The following PTPN21 variants were observed in gnomAD, a reference collection of about 807,000 sequenced individuals.
PTPN21 encodes the protein tyrosine-protein phosphatase non-receptor type 21.
PTPN21 carries 77 observed loss-of-function variants against 131.8 expected under a neutral mutation model. That is an observed-to-expected ratio of 0.58 (90% CI 0.49 to 0.71). PTPN21 has a LOEUF of 0.71. Among genes scored for constraint, PTPN21 ranks in the 30% least tolerant of loss-of-function variants. PTPN21 has a pLI of 0.00. For synonymous variants in PTPN21, 715 were observed against 621.3 expected (o/e 1.15, Z -2.24); for missense variants, 1,552 against 1,527.1 (o/e 1.02, Z -0.27).
intron 8 of PTPN21, among the ~76,000 whole-genome samples, chr14:88,498,030 G>A (rs1164797928): frequency 6.6e-6 from 1 of 151,960 alleles, no homozygotes; most frequent in Non-Finnish European, 1.5e-5. Context: ...GAACCCAGGA[G>A]GCGGAGGTTG....
At chr14:88,480,456 G>A in intron 12 of PTPN21, 104 bp from the exon 13 acceptor site, 1 of 930,472 alleles carries the variant, frequency 1.1e-6, no homozygotes, top group South Asian at 1.7e-5. Flanking sequence ...AACACAGCTT[G>A]TAAAAATCCC....
In PTPN21 at chr14:88,468,047, G is replaced by A; in HGVS notation, c.*90C>T. 1 of 1,481,300 alleles carries A rather than the reference G, an allele frequency of 6.8e-7. No individual in the cohort carries two copies. The highest frequency in any genetic ancestry group is 9.4e-7 in the Non-Finnish European group (1 of 1,068,456). The allele number at this position is 1,481,300 out of a possible 1,614,324, so 91.8% of individuals were successfully genotyped here. The stretch of plus-strand genomic sequence containing the variant: ...CCCAGTGCCACGCTGCGTGGATCAA[G>A]TGTCAACGGGAAAGTATGAGTTAGG... On this transcript the variant is annotated 3_prime_UTR_variant, in exon 19 of 19. Transcript: ENST00000556564.
Position 88,479,287 on chromosome 14 carries a change from T to C in PTPN21, c.2144A>G (p.Glu715Gly). 2 of 1,613,142 alleles carry C rather than the reference T, an allele frequency of 1.2e-6. No homozygotes were observed. Among genetic ancestry groups the C allele is most frequent in the Non-Finnish European group, 1.7e-6 (2 of 1,179,472 alleles). Residue 715 changes from glutamate (E) to glycine (G), a missense_variant, in exon 13 of 19, where the codon GAG becomes GGG. Glu to Gly is a moderately conservative substitution (Grantham distance 98). This residue lies in a region of PTPN21 where 1,016 missense variants were observed against 883.5 expected (regional missense o/e 1.15). Coordinates refer to ENST00000556564, the MANE Select transcript of PTPN21 (RefSeq NM_007039.4). ...GCTCTCCTCCTCGAAGTCCTCGTCC[T>C]CCTCCTCCTCGCTGCTGTGGATTAG... ...TMLIHSSEEE[E>G]DEDFEEESGA...
chr14:88,548,723 C>T (rs1193532979), intron 2 of PTPN21, among the ~76,000 whole-genome samples: 1 of 152,190 alleles, frequency 6.6e-6, no homozygotes, highest in Non-Finnish European at 1.5e-5. Context: ...GTTTCTCTAA[C>T]TTTCCCTTAC....
chr14:88,481,332 C>T (rs759198677), intron 12 of PTPN21, among the ~76,000 whole-genome samples: 3 of 152,204 alleles, frequency 2.0e-5, no homozygotes, highest in Non-Finnish European at 4.4e-5. Flanking sequence ...TCTGCTGACA[C>T]ACAGCACTTC....
At chr14:88,500,715 G>T (rs971521297) in intron 8 of PTPN21, 68 bp downstream of exon 8, 58 of 1,073,082 alleles carry the variant, frequency 5.4e-5, no homozygotes, top group African/African-American at 7.8e-5. Context: ...TTTAACTGCT[G>T]TAAGTACTAA....
chr14:88,475,019 G>A (rs2077529009), intron 13 of PTPN21, among the ~76,000 whole-genome samples: 1 of 152,134 alleles, frequency 6.6e-6, no homozygotes, highest in South Asian at 2.1e-4. Flanking sequence ...TTGAACCTGG[G>A]AGGTGGAGAT....
chr14:88,552,406 A>T (rs2078881526), intron 1 of PTPN21: 1 of 152,242 alleles, frequency 6.6e-6, no homozygotes, highest in Non-Finnish European at 1.5e-5. Context: ...CATCGTGAGA[A>T]ATCTAAGACG....
At position 88,476,756 on chromosome 14, in the gene PTPN21, G is replaced by A. The variant is rs570616761; in HGVS notation, c.2511+2164C>T. Among the ~76,000 whole-genome samples the A allele has an allele frequency of 1.7e-3, 266 of 152,208 alleles. 1 individual carries two copies. Among genetic ancestry groups the A allele is most frequent in the African/African-American group, 5.9e-3 (244 of 41,534 alleles). On this transcript the variant is annotated intron_variant, in intron 13 of 18. Coordinates refer to ENST00000556564, the MANE Select transcript of PTPN21 (RefSeq NM_007039.4). ...CTTGTAGGACCTTTGCTCTTTCCTCGTGACCACAGCTGCCATACCCATTCC... is the reference window on the plus strand; with the variant it reads ...CTTGTAGGACCTTTGCTCTTTCCTCATGACCACAGCTGCCATACCCATTCC...
chr14:88,553,482 T>G (rs1214807807), intron 1 of PTPN21, among the ~76,000 whole-genome samples: 1 of 152,108 alleles, frequency 6.6e-6, no homozygotes, highest in Non-Finnish European at 1.5e-5. Flanking sequence ...GAGTAGAAAT[T>G]TAAGAGTTCT....
At chr14:88,544,242 G>A (rs957472529) in intron 2 of PTPN21, among the ~76,000 whole-genome samples, 1 of 152,136 alleles carries the variant, frequency 6.6e-6, no homozygotes, top group African/African-American at 2.4e-5. Context: ...CTACTTGGGA[G>A]GCTGAGGTGA....
Position 88,469,781 on chromosome 14 carries a change from G to T in PTPN21, c.3001-48C>A. ...AATGACTCGAGATCCGGCAATGGAT[G>T]CCTTTCTCACATAGACGGCACATCT... is the stretch of plus-strand genomic sequence containing the variant. On this transcript the variant is annotated intron_variant, in intron 16 of 18. Coordinates refer to ENST00000556564, the MANE Select transcript of PTPN21 (RefSeq NM_007039.4). The surrounding 1 kb of genome is among the most constrained non-coding windows in gnomAD (Gnocchi z 4.3). The T allele has an allele frequency of 6.2e-7, 1 of 1,602,366 alleles. No individual in the cohort carries two copies. Among genetic ancestry groups the T allele is most frequent in the Non-Finnish European group, 8.6e-7 (1 of 1,169,460 alleles).
At chr14:88,532,523 T>C (rs1238598368) in intron 2 of PTPN21, among the ~76,000 whole-genome samples, 1 of 152,144 alleles carries the variant, frequency 6.6e-6, no homozygotes, top group African/African-American at 2.4e-5. Context: ...TAGGGAAAAA[T>C]GTGTTTGAGC....
At chr14:88,519,149 TAGCC>T in intron 2 of PTPN21, among the ~76,000 whole-genome samples, 1 of 152,316 alleles carries the variant, frequency 6.6e-6, no homozygotes, top group South Asian at 2.1e-4. Flanking sequence ...AAATCAATAC[TAGCC>T]CTGGGCCTGG....
At position 88,467,332 on chromosome 14, in the gene PTPN21, A is replaced by G. The variant is rs929922052; in HGVS notation, c.*805T>C. ...TTGTTTTTCACTTCATTTTCAACCA[A>G]TAAAATCAAATTCATTTAGATCTAT... On this transcript the variant is annotated 3_prime_UTR_variant, in exon 19 of 19. Transcript: ENST00000556564. 7 of 152,218 alleles carry G rather than the reference A, an allele frequency of 4.6e-5. No homozygotes were observed. The highest frequency in any genetic ancestry group is 7.3e-5 in the Non-Finnish European group (5 of 68,030). The allele number at this position is 152,218 out of a possible 1,614,324, so 9.4% of individuals were successfully genotyped here. A position where few individuals can be genotyped will look rare whatever the true frequency, so the allele number is the denominator to read the frequency against.
At chr14:88,547,119 T>A (rs1400553289) in intron 2 of PTPN21, among the ~76,000 whole-genome samples, 1 of 152,130 alleles carries the variant, frequency 6.6e-6, no homozygotes, top group African/African-American at 2.4e-5. Context: ...TTCTCTGGAC[T>A]TATTAACAGA....
In PTPN21 at chr14:88,479,644, G is replaced by C. The variant is rs1406936558; in HGVS notation, c.1787C>G (p.Thr596Arg). The C allele has an allele frequency of 2.6e-6, 4 of 1,548,822 alleles. No individual in the cohort carries two copies. The African/African-American group carries it at 4.1e-5, about 16-fold the overall frequency. Residue 596 changes from threonine (T) to arginine (R), a missense_variant, in exon 13 of 19, where the codon ACG (threonine) becomes AGG (arginine). Around this residue, in one of 4 missense-constraint regions of PTPN21, gnomAD observed 1,016 missense variants for 883.5 expected, o/e 1.15. Coordinates refer to ENST00000556564, the MANE Select transcript of PTPN21 (RefSeq NM_007039.4). Reference protein sequence around the residue: ...YISSSNPDLITRRVHHSVQTF... With the variant: ...YISSSNPDLIRRRVHHSVQTF... Reference sequence around the variant, plus strand: ...TTGCACCGAGTGGTGCACGCGCCGCGTGATGAGGTCGGGGTTGCTGCTGCT... The same window carrying C: ...TTGCACCGAGTGGTGCACGCGCCGCCTGATGAGGTCGGGGTTGCTGCTGCT...
intron 2 of PTPN21, among the ~76,000 whole-genome samples, chr14:88,522,473 C>A (rs2078411091): frequency 7.0e-6 from 1 of 143,182 alleles, no homozygotes; most frequent in African/African-American, 2.5e-5. Flanking sequence ...TTAGTAAATT[C>A]TTTGTTGGTT....
chr14:88,550,286 A>G lies in PTPN21; in HGVS notation c.132T>C (p.Thr44=), dbSNP rs1345546363. Residue 44 remains threonine (T), a synonymous_variant, in exon 2 of 19, where the codon ACT becomes ACC. Transcript: ENST00000556564. ...CCACGGCCTCGAGGCTTTCCTGGCC[A>G]GTGCTCTCCACGGACAGGGTGAACT... is the stretch of plus-strand genomic sequence containing the variant. ...FVEFTLSVES[T]GQESLEAVAQ... The G allele has an allele frequency of 1.2e-6, 2 of 1,614,178 alleles. No homozygotes were observed. The highest frequency in any genetic ancestry group is 1.1e-5 in the South Asian group (1 of 91,090).
Sources: gnomAD v4.1 joint callset for allele counts (sites outside exome capture counted in the v4.1 genomes callset) on GRCh38, gnomAD v4.1.1 for gene constraint, gnomAD v4.1.1 regional missense constraint, Gnocchi (gnomAD v3.1) non-coding constraint, MANE v1.5 for transcripts, NCBI Gene and HGNC (gene_info 2026-07-23, HGNC 2026-07-21) for gene names.